Variants in MANBAL observed in about 807,000 individuals in gnomAD.
The protein encoded by MANBAL is mannosidase beta like.
Under a neutral mutation model 6.4 loss-of-function variants are expected in MANBAL, and 1 was observed. The observed-to-expected ratio is 0.16, with a 90% confidence interval of 0.06 to 0.74. The LOEUF is 0.74. Ranked by LOEUF, MANBAL falls within the 30% of genes least tolerant of loss-of-function variation. MANBAL has a pLI of 0.78. For synonymous variants in MANBAL, 47 were observed against 45.8 expected (o/e 1.03, Z -0.10); for missense variants, 100 against 107.8 (o/e 0.93, Z 0.32).
chr20:37,297,739 T>A (rs2069031262), intron 1 of MANBAL, among the ~76,000 whole-genome samples: 1 of 151,000 alleles, frequency 6.6e-6, no homozygotes, highest in Non-Finnish European at 1.5e-5. Context: ...GTCTCCCGAG[T>A]TCAAGCGATT....
At chr20:37,304,423 CAT>C (rs1305088978) in intron 2 of MANBAL, among the ~76,000 whole-genome samples, 1 of 152,178 alleles carries the variant, frequency 6.6e-6, no homozygotes, top group Non-Finnish European at 1.5e-5. Flanking sequence ...TTCCTTCCCA[CAT>C]AGTTAACAGT....
At chr20:37,302,454 T>A in intron 2 of MANBAL, 2 of 1,117,230 alleles carry the variant, frequency 1.8e-6, no homozygotes, top group Non-Finnish European at 1.3e-6. Context: ...AGCTGATCCC[T>A]CCATTATAAA....
intron 1 of MANBAL, among the ~76,000 whole-genome samples, chr20:37,296,255 A>G (rs2068994300): frequency 6.6e-6 from 1 of 152,322 alleles, no homozygotes; most frequent in African/African-American, 2.4e-5. Context: ...ATGACATTAT[A>G]CCCTAACAAA....
At chr20:37,297,592 T>C (rs1023537127) in intron 1 of MANBAL, 1 of 152,218 alleles carries the variant, frequency 6.6e-6, no homozygotes, top group Admixed American at 6.5e-5. Context: ...GGTTACTTCA[T>C]GTTGGAAACA....
intron 2 of MANBAL, among the ~76,000 whole-genome samples, chr20:37,308,120 C>A (rs1027541949): frequency 6.6e-6 from 1 of 152,172 alleles, no homozygotes; most frequent in Non-Finnish European, 1.5e-5. Flanking sequence ...CTAAACACAA[C>A]CATGCCTTCC....
At position 37,316,378 on chromosome 20, in the gene MANBAL, A is replaced by G; in HGVS notation, c.221A>G (p.Asn74Ser). ...CCCAAGGCTGCTGTTCCTTCTGTGA[A>G]CAAGAGGCCCAAGAAAGAGACTAAG... Reference protein sequence around the residue: ...RKPKAAVPSVNKRPKKETKKK... With the variant: ...RKPKAAVPSVSKRPKKETKKK... Residue 74 changes from asparagine to serine, a missense_variant, in exon 3 of 3, where the codon AAC becomes AGC. Physicochemically the swap from Asn to Ser is conservative, Grantham distance 46. Coordinates refer to ENST00000373606, the MANE Select transcript of MANBAL (RefSeq NM_001003897.2). 6.2e-7 allele frequency: 1 copy of G among 1,613,860 alleles called. No individual in the cohort carries two copies. Among genetic ancestry groups the G allele is most frequent in the Non-Finnish European group, 8.5e-7 (1 of 1,179,834 alleles).
Position 37,316,368 on chromosome 20 carries a change from C to G in MANBAL, c.211C>G (p.Pro71Ala). ...EVTRKPKAAVPSVNKRPKKET... is the reference protein window; with the variant it reads ...EVTRKPKAAVASVNKRPKKET... Reference sequence around the variant, plus strand: ...GACGAGGAAGCCCAAGGCTGCTGTTCCTTCTGTGAACAAGAGGCCCAAGAA... The same window carrying G: ...GACGAGGAAGCCCAAGGCTGCTGTTGCTTCTGTGAACAAGAGGCCCAAGAA... Residue 71 changes from proline (P) to alanine (A), a missense_variant, in exon 3 of 3, where the codon CCT (proline) becomes GCT (alanine). By Grantham distance (27) the Pro-to-Ala change is conservative (BLOSUM62 -1). Coordinates refer to ENST00000373606, the MANE Select transcript of MANBAL (RefSeq NM_001003897.2). 1.2e-6 allele frequency: 2 copies of G among 1,613,890 alleles called. No homozygotes were observed. The highest frequency in any genetic ancestry group is 1.7e-6 in the Non-Finnish European group (2 of 1,179,872).
intron 2 of MANBAL, among the ~76,000 whole-genome samples, chr20:37,304,656 C>A (rs1364425539): frequency 6.6e-6 from 1 of 152,148 alleles, no homozygotes; most frequent in South Asian, 2.1e-4. Flanking sequence ...GATGCTGCTT[C>A]TGTAGCTGGG....
chr20:37,290,108 T>C (rs1355783765), intron 1 of MANBAL, among the ~76,000 whole-genome samples: 2 of 152,232 alleles, frequency 1.3e-5, no homozygotes, highest in Non-Finnish European at 2.9e-5. Context: ...AAAATGGACA[T>C]ACACGCTTGT....
At chr20:37,313,325 C>T (rs938564119) in intron 2 of MANBAL, among the ~76,000 whole-genome samples, 3 of 151,616 alleles carry the variant, frequency 2.0e-5, no homozygotes, top group Non-Finnish European at 2.9e-5. Flanking sequence ...GAGCCGAGAT[C>T]GAGCCACTGC....
intron 2 of MANBAL, among the ~76,000 whole-genome samples, chr20:37,314,581 CAG>C (rs2069461842): frequency 6.6e-6 from 1 of 152,168 alleles, no homozygotes; most frequent in South Asian, 2.1e-4. Flanking sequence ...GTTACATAAA[CAG>C]AGTAGGGGGA....
At chr20:37,310,160 C>T (rs781714687) in intron 2 of MANBAL, among the ~76,000 whole-genome samples, 5 of 152,186 alleles carry the variant, frequency 3.3e-5, no homozygotes, top group Non-Finnish European at 7.3e-5. Context: ...TCACAGTTCT[C>T]CCCGCCTGCC....
chr20:37,303,791 A>C (rs1048850639), intron 2 of MANBAL, among the ~76,000 whole-genome samples: 2 of 152,262 alleles, frequency 1.3e-5, no homozygotes, highest in African/African-American at 4.8e-5. Context: ...TTAGAGACTC[A>C]GTGCCCACAT....
At chr20:37,290,066 C>G (rs1360839962) in intron 1 of MANBAL, among the ~76,000 whole-genome samples, 16 of 152,204 alleles carry the variant, frequency 1.1e-4, no homozygotes, top group Non-Finnish European at 1.5e-5. Flanking sequence ...GGGCAAGTCA[C>G]GGTTCCTCTC....
intron 2 of MANBAL, among the ~76,000 whole-genome samples, chr20:37,307,915 A>G (rs1281312776): frequency 2.0e-5 from 3 of 152,148 alleles, no homozygotes; most frequent in Non-Finnish European, 4.4e-5. Context: ...AGATAGACTG[A>G]GAAGGTGCGG....
intron 2 of MANBAL, among the ~76,000 whole-genome samples, chr20:37,315,579 A>G (rs1234852485): frequency 1.3e-5 from 2 of 152,228 alleles, no homozygotes; most frequent in African/African-American, 4.8e-5. Flanking sequence ...TTTCAATCTT[A>G]CAAGGGACAA....
chr20:37,304,146 C>G (rs937774210), intron 2 of MANBAL, among the ~76,000 whole-genome samples: 8 of 152,016 alleles, frequency 5.3e-5, no homozygotes, highest in Admixed American at 5.2e-4. Flanking sequence ...TCTTTTTTGG[C>G]CTTAAAATAT....
At chr20:37,311,316 C>T (rs1046012750) in intron 2 of MANBAL, among the ~76,000 whole-genome samples, 4 of 152,162 alleles carry the variant, frequency 2.6e-5, no homozygotes, top group Non-Finnish European at 5.9e-5. Context: ...GTAGGCTGCA[C>T]GACGGGGCCT....
chr20:37,296,830 T>C (rs2069007628), intron 1 of MANBAL: 1 of 152,200 alleles, frequency 6.6e-6, no homozygotes, highest in Non-Finnish European at 1.5e-5. Context: ...CATGAGAACA[T>C]CCCGTCTCCA....
Sources: gnomAD v4.1 joint callset for allele counts (sites outside exome capture counted in the v4.1 genomes callset) on GRCh38, gnomAD v4.1.1 for gene constraint, MANE v1.5 for transcripts, NCBI Gene and HGNC (gene_info 2026-07-23, HGNC 2026-07-21) for gene names.